The following MAP4K4 variants were observed in gnomAD, a reference collection of about 807,000 sequenced individuals.
MAP4K4 encodes mitogen-activated protein kinase kinase kinase kinase 4.
Under a neutral mutation model 189.6 loss-of-function variants are expected in MAP4K4, and 38 were observed. The observed-to-expected ratio is 0.20, with a 90% CI of 0.15 to 0.26. The LOEUF (loss-of-function observed/expected upper bound fraction) is 0.26, where lower values mean the gene tolerates loss of function less well. Among genes scored for constraint, MAP4K4 ranks in the 10% least tolerant of loss-of-function variants. The pLI is 1.00. For missense variants in MAP4K4, 1,054 were observed against 1,726.9 expected (o/e 0.61, Z 6.91); for synonymous variants, 610 against 624.3 (o/e 0.98, Z 0.34).
chr2:101,784,443 T>A (rs928986185), intron 2 of MAP4K4, among the ~76,000 whole-genome samples: 4 of 152,144 alleles, frequency 2.6e-5, no homozygotes, highest in African/African-American at 9.7e-5. Flanking sequence ...TTAATAGGCT[T>A]CACTATTAAG....
At chr2:101,823,934 G>A in exon 4 of MAP4K4, 1 of 1,601,190 alleles carries the variant, frequency 6.2e-7, no homozygotes, top group Non-Finnish European at 8.5e-7. Context: ...TAAGGATGAA[G>A]AGGAAGAAAT....
At chr2:101,727,574 TG>T (rs1369709381) in intron 2 of MAP4K4, among the ~76,000 whole-genome samples, 2 of 152,344 alleles carry the variant, frequency 1.3e-5, no homozygotes, top group East Asian at 3.9e-4. Flanking sequence ...CTTAAAATTT[TG>T]GGGGGAAGTA....
intron 2 of MAP4K4, among the ~76,000 whole-genome samples, chr2:101,749,192 G>A (rs1414611046): frequency 1.3e-5 from 2 of 151,714 alleles, no homozygotes; most frequent in East Asian, 3.9e-4. Context: ...AAAAGAGCCT[G>A]CATTGCCAAG....
intron 2 of MAP4K4, among the ~76,000 whole-genome samples, chr2:101,731,938 C>G (rs1300751974): frequency 6.6e-6 from 1 of 152,034 alleles, no homozygotes; most frequent in Non-Finnish European, 1.5e-5. Flanking sequence ...TCAGAAATAA[C>G]TAGGAAAATT....
chr2:101,802,193 C>A (rs2094435110), intron 3 of MAP4K4, among the ~76,000 whole-genome samples: 1 of 152,196 alleles, frequency 6.6e-6, no homozygotes, highest in South Asian at 2.1e-4. Context: ...TCACCACAGC[C>A]TCTGTGCTGC....
At chr2:101,843,227 G>T (rs751050065) in intron 11 of MAP4K4, among the ~76,000 whole-genome samples, 2 of 152,162 alleles carry the variant, frequency 1.3e-5, no homozygotes, top group African/African-American at 4.8e-5. Context: ...GTGATGTTGG[G>T]TGTGCCTGGC....
exon 28 of MAP4K4, chr2:101,882,598 A>C (rs1304739083): frequency 6.2e-7 from 1 of 1,611,154 alleles, no homozygotes; most frequent in Admixed American, 1.7e-5. Context: ...GTTAAGAAAT[A>C]AAATACTTCA....
intron 2 of MAP4K4, among the ~76,000 whole-genome samples, chr2:101,753,232 A>G (rs2070163414): frequency 6.6e-6 from 1 of 152,140 alleles, no homozygotes; most frequent in African/African-American, 2.4e-5. Flanking sequence ...CTGTGATTTG[A>G]CTTCCTTGCC....
intron 7 of MAP4K4, among the ~76,000 whole-genome samples, chr2:101,833,619 C>CAAAA (rs373529950): frequency 1.5e-5 from 1 of 64,672 alleles, no homozygotes; most frequent in African/African-American, 5.6e-5. Flanking sequence ...GACTCCATCT[C>CAAAA]AAAAAAAAAA....
At chr2:101,792,016 T>A (rs2092957924) in intron 3 of MAP4K4, among the ~76,000 whole-genome samples, 1 of 152,236 alleles carries the variant, frequency 6.6e-6, no homozygotes, top group Non-Finnish European at 1.5e-5. Context: ...TACAGCTCAG[T>A]GGGAAATTGG....
At chr2:101,824,092 T>G in intron 4 of MAP4K4, 39 bp downstream of exon 4, 1 of 1,209,450 alleles carries the variant, frequency 8.3e-7, no homozygotes, top group East Asian at 5.0e-5. Context: ...GGCATTCCAT[T>G]TGCTTGAATT....
At chr2:101,868,841 GT>G (rs199961561) in intron 21 of MAP4K4, among the ~76,000 whole-genome samples, 33 of 146,592 alleles carry the variant, frequency 2.3e-4, no homozygotes, top group African/African-American at 6.2e-4. Flanking sequence ...TAGGTTTGAA[GT>G]TTTTTTTTTT....
chr2:101,811,207 A>G (rs1039184994), intron 3 of MAP4K4, among the ~76,000 whole-genome samples: 2 of 151,756 alleles, frequency 1.3e-5, no homozygotes, highest in Non-Finnish European at 2.9e-5. Context: ...CCCGGTCTCT[A>G]CAAAAATACA....
At chr2:101,834,740 A>G (rs2096696396) in intron 8 of MAP4K4, among the ~76,000 whole-genome samples, 1 of 152,256 alleles carries the variant, frequency 6.6e-6, no homozygotes, top group Admixed American at 6.5e-5. Flanking sequence ...CTGAGATCAG[A>G]TAATAAGTAG....
intron 2 of MAP4K4, among the ~76,000 whole-genome samples, chr2:101,772,807 A>G (rs2082121568): frequency 6.6e-6 from 1 of 152,208 alleles, no homozygotes; most frequent in Non-Finnish European, 1.5e-5. Flanking sequence ...CCTCACACAC[A>G]TGAGGATGTC....
At chr2:101,875,511 T>C (rs1411339414) in intron 26 of MAP4K4, among the ~76,000 whole-genome samples, 2 of 152,140 alleles carry the variant, frequency 1.3e-5, no homozygotes, top group African/African-American at 4.8e-5. Context: ...TGTAGGAGCG[T>C]TGTTCTCTCA....
chr2:101,789,999 A>G (rs1030479977), intron 2 of MAP4K4, among the ~76,000 whole-genome samples: 5 of 152,194 alleles, frequency 3.3e-5, no homozygotes, highest in Admixed American at 2.0e-4. Flanking sequence ...ATACACTTAA[A>G]AAAAATCCCA....
At chr2:101,758,228 A>G (rs957825144) in intron 2 of MAP4K4, among the ~76,000 whole-genome samples, 1 of 152,194 alleles carries the variant, frequency 6.6e-6, no homozygotes, top group Non-Finnish European at 1.5e-5. Context: ...AGAACCCTCT[A>G]TTCTTGGAAG....
At chr2:101,797,356 T>TA in intron 3 of MAP4K4, 1 of 1,290,860 alleles carries the variant, frequency 7.7e-7, no homozygotes, top group Non-Finnish European at 1.0e-6. Context: ...CTGGCAGACT[T>TA]ACCACAGGAT....
Sources: gnomAD v4.1 joint callset for allele counts (sites outside exome capture counted in the v4.1 genomes callset) on GRCh38, gnomAD v4.1.1 for gene constraint, MANE v1.5 for transcripts, NCBI Gene and HGNC (gene_info 2026-07-23, HGNC 2026-07-21) for gene names.